Variants in MYO3A observed in about 807,000 individuals in gnomAD.
MYO3A encodes the protein myosin-IIIa.
Under a neutral mutation model 192.7 loss-of-function variants are expected in MYO3A, and 180 were observed. That is an observed-to-expected ratio of 0.93 (90% confidence interval 0.83 to 1.06). MYO3A has a LOEUF of 1.06. MYO3A is among the 50% of genes least tolerant of loss of function. The pLI, the probability that MYO3A is intolerant of heterozygous loss-of-function variation, is 0.00. For missense variants in MYO3A, 1,896 were observed against 1,905.0 expected (o/e 1.00, Z 0.09); for synonymous variants, 628 against 645.3 (o/e 0.97, Z 0.41).
rs1215904219 is a variant in MYO3A, at chr10:26,067,020, A to G, written c.999A>G (p.Leu333=). 1.9e-6 allele frequency: 3 copies of G among 1,613,016 alleles called. No individual in the cohort carries two copies. The highest frequency in any genetic ancestry group is 2.5e-6 in the Non-Finnish European group (3 of 1,179,142). The change falls in exon 11 of 35, where the codon CTA becomes CTG. Residue 333 remains leucine, a synonymous_variant. Transcript: ENST00000642920. The stretch of plus-strand genomic sequence containing the variant: ...AGAAAGGGAACTTCAACCGACCTCT[A>G]ATATCCAATCTGAAGGATGTAGATG... ...HTKKGNFNRP[L]ISNLKDVDDL... is the part of the protein sequence containing the mutation.
intron 14 of MYO3A, among the ~76,000 whole-genome samples, chr10:26,080,795 A>C (rs1205958953): frequency 1.3e-5 from 2 of 152,050 alleles, no homozygotes; most frequent in East Asian, 3.9e-4. Flanking sequence ...GCTTCCTGTG[A>C]GCTGAACTGC....
chr10:25,952,419 T>C (rs1837266985), intron 3 of MYO3A, 141 bp downstream of exon 3: 1 of 1,045,374 alleles, frequency 9.6e-7, no homozygotes. Flanking sequence ...AAAAGAGAAG[T>C]CTACTTATTT....
At chr10:26,113,271 G>C (rs1243489647) in intron 17 of MYO3A, among the ~76,000 whole-genome samples, 3 of 152,008 alleles carry the variant, frequency 2.0e-5, no homozygotes, top group African/African-American at 7.2e-5. Context: ...AGGAGTTTGA[G>C]ACCGGCCTGG....
intron 34 of MYO3A, among the ~76,000 whole-genome samples, chr10:26,206,674 C>A (rs370724857): frequency 2.5e-4 from 37 of 150,624 alleles, no homozygotes; most frequent in African/African-American, 8.8e-4. Flanking sequence ...GTCTCAAACT[C>A]CTGACCTCAG....
intron 10 of MYO3A, among the ~76,000 whole-genome samples, chr10:26,060,982 G>T (rs1034600860): frequency 6.6e-6 from 1 of 151,902 alleles, no homozygotes; most frequent in Non-Finnish European, 1.5e-5. Context: ...AGGCTGGAGT[G>T]CAGGGGTGCA....
intron 17 of MYO3A, among the ~76,000 whole-genome samples, chr10:26,113,113 A>G (rs1478752776): frequency 6.6e-6 from 1 of 152,214 alleles, no homozygotes; most frequent in East Asian, 1.9e-4. Flanking sequence ...TGTGAAAGAA[A>G]TTAAATATTT....
In MYO3A at chr10:26,153,811, A is replaced by T. The variant is rs376870155; in HGVS notation, c.2636-39A>T. ...GGGAAAAATCATCTAGCCATTAAGGATTCTAAAAGGTATATTACATTTTTC... is the reference window on the plus strand; with the variant it reads ...GGGAAAAATCATCTAGCCATTAAGGTTTCTAAAAGGTATATTACATTTTTC... On this transcript the variant is annotated intron_variant, in intron 23 of 34. Coordinates refer to ENST00000642920, the MANE Select transcript of MYO3A (RefSeq NM_017433.5). 3.1e-6 allele frequency: 4 copies of T among 1,308,888 alleles called. No homozygotes were observed. In the South Asian group the frequency reaches 4.8e-5, roughly 16 times the overall value. 81.1% of individuals were successfully genotyped at this position (1,308,888 alleles called of 1,614,324 possible).
At position 26,173,924 on chromosome 10, in the gene MYO3A, C is replaced by T. The variant is rs1275599302; in HGVS notation, c.3660C>T (p.Asp1220=). Residue 1220 remains aspartate (D), a synonymous_variant, in exon 30 of 35, where the codon GAC becomes GAT. Coordinates refer to ENST00000642920, the MANE Select transcript of MYO3A (RefSeq NM_017433.5). The stretch of plus-strand genomic sequence containing the variant: ...GCCCCAAACAGAAGTCTGTCAAAGA[C>T]CTGGAAGAGAACAGCAATCTAAGGA... ...EVSPKQKSVK[D]LEENSNLRKV... The T allele has an allele frequency of 6.2e-7, 1 of 1,612,768 alleles. No homozygotes were observed. The highest frequency in any genetic ancestry group is 8.5e-7 in the Non-Finnish European group (1 of 1,179,776).
At chr10:26,153,954 C>T in intron 24 of MYO3A, 25 bp downstream of exon 24, 1 of 1,487,286 alleles carries the variant, frequency 6.7e-7, no homozygotes, top group Non-Finnish European at 9.4e-7. Context: ...TTTTTCTTGG[C>T]AGTGAGTCTA....
chr10:26,014,180 G>T (rs1036839899), intron 6 of MYO3A, among the ~76,000 whole-genome samples: 1 of 151,976 alleles, frequency 6.6e-6, no homozygotes, highest in African/African-American at 2.4e-5. Context: ...TACAGCATAC[G>T]CCACTAGGGT....
At chr10:25,944,826 C>T (rs138899459) in intron 2 of MYO3A, among the ~76,000 whole-genome samples, 80 of 152,036 alleles carry the variant, frequency 5.3e-4, no homozygotes, top group African/African-American at 1.9e-3. Flanking sequence ...TTAAAGGTTT[C>T]GAAGAATCAA....
Position 26,173,534 on chromosome 10 carries a change from T to A in MYO3A, c.3399-129T>A, listed in dbSNP as rs1330575. Reference sequence around the variant, plus strand: ...GCACTTGATTAATGTGACTTGATACTTTTTAATTTTGAGCTTTCTTTGTTC... The same window carrying A: ...GCACTTGATTAATGTGACTTGATACATTTTAATTTTGAGCTTTCTTTGTTC... On this transcript the variant is annotated intron_variant, in intron 29 of 34. Transcript: ENST00000642920. 469,944 of 799,410 alleles carry A rather than the reference T, an allele frequency of 0.59. 139,189 individuals carry two copies. Among genetic ancestry groups the A allele is most frequent in the East Asian group, 0.67 (25,258 of 37,552 alleles). The allele number at this position is 799,410 out of a possible 1,614,324, so 49.5% of individuals were successfully genotyped here.
rs577307230 is a variant in MYO3A, at chr10:26,120,703, G to A, written c.1804G>A (p.Ala602Thr). ...EQLGSIYSIL[A>T]AILNVGNIEF... is the part of the protein sequence containing the mutation. ...ACTTGGTAGTATATACAGCATACTC[G>A]CTGCAATCTTGAATGTTGGCAACAT... The change falls in exon 18 of 35, where the codon GCT (alanine) becomes ACT (threonine). Residue 602 changes from alanine to threonine, a missense_variant. By Grantham distance (58) the Ala-to-Thr change is moderately conservative (BLOSUM62 0). Coordinates refer to ENST00000642920, the MANE Select transcript of MYO3A (RefSeq NM_017433.5). 27 of 1,614,010 alleles carry A rather than the reference G, an allele frequency of 1.7e-5. No individual in the cohort carries two copies. Among genetic ancestry groups the A allele is most frequent in the Non-Finnish European group, 2.1e-5 (25 of 1,179,986 alleles).
chr10:26,210,772 A>C lies in MYO3A; in HGVS notation c.4731-1071A>C, dbSNP rs148890683. On this transcript the variant is annotated intron_variant, in intron 34 of 34. Coordinates refer to ENST00000642920, the MANE Select transcript of MYO3A (RefSeq NM_017433.5). ...TTTCCCCCTCTCGCTTACTCTTTTC[A>C]AGCCACAGTGGTCTCCTTGCTGTTC... is the stretch of plus-strand genomic sequence containing the variant. Among the ~76,000 whole-genome samples the C allele has an allele frequency of 7.2e-3, 1,101 of 151,990 alleles. 15 individuals carry two copies. Among genetic ancestry groups the C allele is most frequent in the African/African-American group, 0.025 (1,028 of 41,428 alleles).
chr10:26,120,735 T>A lies in MYO3A; in HGVS notation c.1836T>A (p.Phe612Leu). The A allele has an allele frequency of 6.2e-7, 1 of 1,614,116 alleles. No individual in the cohort carries two copies. The highest frequency in any genetic ancestry group is 8.5e-7 in the Non-Finnish European group (1 of 1,179,992). Reference protein sequence around the residue: ...AAILNVGNIEFSSVATEHQID... With the variant: ...AAILNVGNIELSSVATEHQID... ...TCTTGAATGTTGGCAACATTGAATTTTCTTCTGTGGCAACTGAACACCAGA... is the reference window on the plus strand; with the variant it reads ...TCTTGAATGTTGGCAACATTGAATTATCTTCTGTGGCAACTGAACACCAGA... Residue 612 changes from phenylalanine to leucine, a missense_variant, in exon 18 of 35, where the codon TTT becomes TTA. Transcript: ENST00000642920.
At chr10:25,977,303 T>A (rs1399464283) in intron 4 of MYO3A, among the ~76,000 whole-genome samples, 1 of 152,162 alleles carries the variant, frequency 6.6e-6, no homozygotes, top group Non-Finnish European at 1.5e-5. Flanking sequence ...TTCAGAAAAC[T>A]TTTTCTGTTC....
At chr10:25,958,576 C>T (rs972536312) in intron 4 of MYO3A, among the ~76,000 whole-genome samples, 12 of 152,000 alleles carry the variant, frequency 7.9e-5, no homozygotes, top group African/African-American at 2.9e-4. Flanking sequence ...TATTCAGGTT[C>T]CTTTTTGGTT....
chr10:26,164,925 C>A (rs117068507), intron 26 of MYO3A, among the ~76,000 whole-genome samples: 1 of 152,126 alleles, frequency 6.6e-6, no homozygotes, highest in Non-Finnish European at 1.5e-5. Flanking sequence ...TGTACATGAG[C>A]GAGTTAGTCC....
intron 2 of MYO3A, among the ~76,000 whole-genome samples, chr10:25,940,317 T>C (rs1242079320): frequency 6.6e-6 from 1 of 152,082 alleles, no homozygotes; most frequent in Admixed American, 6.5e-5. Flanking sequence ...TTTCTGCTAA[T>C]ATTTTGGAGA....
Sources: allele counts gnomAD v4.1 joint callset (sites outside exome capture counted in the v4.1 genomes callset), GRCh38; gene constraint gnomAD v4.1.1; transcripts MANE v1.5; gene names NCBI Gene and HGNC (gene_info 2026-07-23, HGNC 2026-07-21).